Variants in GRID2 observed in about 807,000 individuals in gnomAD.
GRID2 encodes the protein glutamate receptor ionotropic, delta-2.
In GRID2, 33 loss-of-function variants were observed where a neutral mutation model predicts 114.8. The observed-to-expected ratio is 0.29, with a 90% confidence interval of 0.22 to 0.38. The LOEUF is 0.38. GRID2 is among the 10% of genes least tolerant of loss of function. The pLI is 1.00. For missense variants in GRID2, 1,184 were observed against 1,257.7 expected, an observed-to-expected ratio of 0.94 and a Z score of 0.89; for synonymous variants, 505 against 449.9, an observed-to-expected ratio of 1.12 and a Z score of -1.55.
intron 2 of GRID2, among the ~76,000 whole-genome samples, chr4:92,678,955 C>G (rs1733516685): frequency 6.7e-6 from 1 of 149,772 alleles, no homozygotes; most frequent in Non-Finnish European, 1.5e-5. Flanking sequence ...TGTGACATCT[C>G]TCCGACTGCA....
At chr4:92,308,699 C>T in intron 1 of GRID2, among the ~76,000 whole-genome samples, 1 of 151,632 alleles carries the variant, frequency 6.6e-6, no homozygotes. Context: ...ACAATTACAG[C>T]ATATAAAAGC....
chr4:93,729,137 C>T (rs1202923769), intron 14 of GRID2, among the ~76,000 whole-genome samples: 1 of 152,144 alleles, frequency 6.6e-6, no homozygotes, highest in African/African-American at 2.4e-5. Flanking sequence ...ACCTCATGAT[C>T]CGCCCACCTT....
intron 14 of GRID2, among the ~76,000 whole-genome samples, chr4:93,728,266 G>T (rs1730132666): frequency 1.3e-5 from 2 of 152,132 alleles, no homozygotes; most frequent in African/African-American, 4.8e-5. Context: ...TCAGAAGCAG[G>T]TTGTTCAGTT....
At chr4:92,305,591 A>T (rs1357667497) in intron 1 of GRID2, among the ~76,000 whole-genome samples, 3 of 152,052 alleles carry the variant, frequency 2.0e-5, no homozygotes, top group Non-Finnish European at 4.4e-5. Context: ...AGGCGCCGGG[A>T]CTACTGCGGG....
At chr4:93,252,584 T>G (rs1165705680) in intron 8 of GRID2, among the ~76,000 whole-genome samples, 1 of 152,080 alleles carries the variant, frequency 6.6e-6, no homozygotes, top group Non-Finnish European at 1.5e-5. Context: ...TTTAAAATAG[T>G]TTTTCCTATT....
chr4:93,571,202 C>G (rs1735900371), intron 13 of GRID2, among the ~76,000 whole-genome samples: 1 of 151,986 alleles, frequency 6.6e-6, no homozygotes, highest in Non-Finnish European at 1.5e-5. Context: ...GGGCAGATGG[C>G]AGGGGTGAAG....
intron 2 of GRID2, among the ~76,000 whole-genome samples, chr4:92,761,563 T>C (rs1416897929): frequency 6.6e-6 from 1 of 152,184 alleles, no homozygotes; most frequent in Non-Finnish European, 1.5e-5. Flanking sequence ...GCCACCAAAA[T>C]GCAGACTTCA....
intron 2 of GRID2, among the ~76,000 whole-genome samples, chr4:92,704,128 A>C (rs947791565): frequency 2.0e-5 from 3 of 152,100 alleles, no homozygotes; most frequent in Admixed American, 6.5e-5. Flanking sequence ...AATACAAAAA[A>C]TTAGCTGGGC....
At chr4:93,809,812 T>C (rs1390701753) in exon 2 of GRID2, 1 of 152,224 alleles carries the variant, frequency 6.6e-6, no homozygotes, top group East Asian at 1.9e-4. Context: ...AAGTTAATTT[T>C]AATACCTAAA....
rs1322863919 is a variant in GRID2, at chr4:93,335,791, TGG to T, written c.1246-59814_1246-59813del. On this transcript the variant is annotated intron_variant, in intron 8 of 15. Transcript: ENST00000282020. ...AGGGCTCACCACAGCCTCCACCTCC[TGG>T]GCTCAAGGGATCCTCTCACCTCAGC... Among the ~76,000 whole-genome samples, 3 of 151,388 alleles carry T rather than the reference TGG, an allele frequency of 2.0e-5. No individual in the cohort carries two copies. In the South Asian group the frequency reaches 6.3e-4, roughly 32 times the overall value.
intron 13 of GRID2, among the ~76,000 whole-genome samples, chr4:93,571,919 G>GA (rs1264922128): frequency 1.3e-5 from 2 of 152,032 alleles, no homozygotes; most frequent in African/African-American, 4.8e-5. Flanking sequence ...CTGGCAAATG[G>GA]AAAAAAGGAT....
intron 4 of GRID2, among the ~76,000 whole-genome samples, chr4:93,129,095 A>G (rs935747321): frequency 1.3e-5 from 2 of 152,206 alleles, no homozygotes; most frequent in Non-Finnish European, 2.9e-5. Context: ...TCTAAAATTC[A>G]GAATAACTGC....
intron 4 of GRID2, among the ~76,000 whole-genome samples, chr4:93,147,421 A>G (rs1384696689): frequency 6.6e-6 from 1 of 152,212 alleles, no homozygotes; most frequent in East Asian, 1.9e-4. Context: ...GATTAAATAT[A>G]ATCTCAAAGC....
At chr4:93,172,533 A>G (rs1206086158) in intron 4 of GRID2, among the ~76,000 whole-genome samples, 1 of 152,078 alleles carries the variant, frequency 6.6e-6, no homozygotes, top group Non-Finnish European at 1.5e-5. Flanking sequence ...CACAGGTTGC[A>G]GTGAGCCGAG....
At chr4:92,791,724 T>C (rs1739601359) in intron 2 of GRID2, among the ~76,000 whole-genome samples, 3 of 151,998 alleles carry the variant, frequency 2.0e-5, no homozygotes, top group African/African-American at 7.2e-5. Context: ...GTGAGGAGTT[T>C]CCAGGTGAGA....
chr4:93,659,772 T>C (rs962370150), intron 14 of GRID2, among the ~76,000 whole-genome samples: 4 of 152,166 alleles, frequency 2.6e-5, no homozygotes, highest in South Asian at 2.1e-4. Context: ...AAATATTAAA[T>C]TAAGCTTCAC....
intron 1 of GRID2, among the ~76,000 whole-genome samples, chr4:92,347,216 A>C (rs1727813088): frequency 6.6e-6 from 1 of 152,224 alleles, no homozygotes; most frequent in South Asian, 2.1e-4. Context: ...GTTCATTTTA[A>C]ATAAATATAT....
chr4:92,320,025 G>C (rs1726229247), intron 1 of GRID2, among the ~76,000 whole-genome samples: 1 of 152,180 alleles, frequency 6.6e-6, no homozygotes, highest in African/African-American at 2.4e-5. Flanking sequence ...GTTGCAGCCA[G>C]TGTACTGATC....
rs1269243680 is a variant in GRID2, at chr4:92,304,171, G to A, written c.-486G>A. The A allele has an allele frequency of 5.9e-6, 1 of 170,882 alleles. No homozygotes were observed. Among genetic ancestry groups the A allele is most frequent in the African/African-American group, 2.4e-5 (1 of 41,400 alleles). The allele number at this position is 170,882 out of a possible 1,614,324, so 10.6% of individuals were successfully genotyped here. On this transcript the variant is annotated 5_prime_UTR_variant, in exon 1 of 16. Coordinates refer to ENST00000282020, the MANE Select transcript of GRID2 (RefSeq NM_001510.4). ...TCCTTTCCACTTAGATTCTGGCAGC[G>A]AAGACCAGTGATTCTCTGCGGGCTG...
Sources: allele counts gnomAD v4.1 joint callset (sites outside exome capture counted in the v4.1 genomes callset), GRCh38; gene constraint gnomAD v4.1.1; transcripts MANE v1.5; gene names NCBI Gene and HGNC (gene_info 2026-07-23, HGNC 2026-07-21).